The following PAPPA variants were observed in gnomAD, a reference collection of about 807,000 sequenced individuals.
PAPPA encodes the protein pappalysin 1.
PAPPA carries 60 observed loss-of-function variants against 164.0 expected under a neutral mutation model. The ratio of observed to expected loss-of-function variants is 0.37; its 90% CI spans 0.30 to 0.45. The LOEUF is 0.45. Among genes scored for constraint, PAPPA ranks in the 20% least tolerant of loss-of-function variants. The pLI is 1.00. For missense variants in PAPPA, 1,782 were observed against 2,087.3 expected, an observed-to-expected ratio of 0.85 and a Z score of 2.85; for synonymous variants, 875 against 814.1, an observed-to-expected ratio of 1.07 and a Z score of -1.27.
intron 7 of PAPPA, 54 bp from the exon 8 acceptor site, chr9:116,265,803 C>G (rs1845060901): frequency 2.0e-6 from 3 of 1,480,432 alleles, no homozygotes; most frequent in Middle Eastern, 1.8e-4. Flanking sequence ...TCCATTCTCT[C>G]TTTGTCTGCC....
intron 9 of PAPPA, among the ~76,000 whole-genome samples, chr9:116,284,943 A>AT (rs1845314277): frequency 1.3e-5 from 2 of 151,804 alleles, no homozygotes; most frequent in African/African-American, 2.4e-5. Context: ...TTGCTTGTTC[A>AT]TTTTTTTGCT....
intron 7 of PAPPA, among the ~76,000 whole-genome samples, chr9:116,250,606 CA>C (rs1844849375): frequency 1.3e-5 from 2 of 152,120 alleles, no homozygotes; most frequent in African/African-American, 2.4e-5. Flanking sequence ...AGTCAGTCTC[CA>C]AAAATTTTAA....
In PAPPA at chr9:116,187,955, G is replaced by A. The variant is rs1437684408; in HGVS notation, c.1217G>A (p.Arg406His). ...DVLEVSNSSL[R>H]RRLILANCDI... is the part of the protein sequence containing the mutation. Reference sequence around the variant, plus strand: ...CTGGAGGTGAGCAACTCCTCCCTTCGCCGCCGCCTCATCCTGGCCAACTGT... The same window carrying A: ...CTGGAGGTGAGCAACTCCTCCCTTCACCGCCGCCTCATCCTGGCCAACTGT... Residue 406 changes from arginine (R) to histidine (H), a missense_variant, in exon 2 of 22, where the codon CGC becomes CAC. Transcript: ENST00000328252. This position sits in a 1 kb window ranked among gnomAD's most constrained non-coding sequence, Gnocchi z 4.2. The A allele has an allele frequency of 5.0e-6, 8 of 1,614,078 alleles. No individual in the cohort carries two copies. Among genetic ancestry groups the A allele is most frequent in the Non-Finnish European group, 6.8e-6 (8 of 1,180,020 alleles).
rs777756674 is a variant in PAPPA, at chr9:116,187,545, G to C, written c.807G>C (p.Leu269=). Residue 269 remains leucine, a synonymous_variant, in exon 2 of 22, where the codon CTG becomes CTC. Coordinates refer to ENST00000328252, the MANE Select transcript of PAPPA (RefSeq NM_002581.5). This position sits in a 1 kb window ranked among gnomAD's most constrained non-coding sequence, Gnocchi z 4.2. ...TGGCCAGGACTCAGCGGGAGATACTGTCTGACATGGAAACCCATGGCGCCC... is the reference window on the plus strand; with the variant it reads ...TGGCCAGGACTCAGCGGGAGATACTCTCTGACATGGAAACCCATGGCGCCC... ...WKVARTQREI[L]SDMETHGAHT... 2 of 1,614,190 alleles carry C rather than the reference G, an allele frequency of 1.2e-6. No individual in the cohort carries two copies. The highest frequency in any genetic ancestry group is 1.7e-6 in the Non-Finnish European group (2 of 1,180,042).
Position 116,187,003 on chromosome 9 carries a change from G to A in PAPPA, c.416-151G>A, listed in dbSNP as rs1367113474. On this transcript the variant is annotated intron_variant, in intron 1 of 21. Transcript: ENST00000328252. The surrounding 1 kb of genome is among the most constrained non-coding windows in gnomAD (Gnocchi z 4.2). ...CCTTGCCCTCGAGGTGGTCCCAGAG[G>A]CACCATTAGCAACTCCTAGGATCCC... The A allele has an allele frequency of 3.3e-6, 2 of 597,940 alleles. No homozygotes were observed. The highest frequency in any genetic ancestry group is 2.5e-5 in the South Asian group (1 of 40,492). 37.0% of individuals were successfully genotyped at this position (597,940 alleles called of 1,614,324 possible).
intron 9 of PAPPA, among the ~76,000 whole-genome samples, chr9:116,295,360 C>G (rs1381047152): frequency 1.3e-5 from 2 of 152,028 alleles, no homozygotes; most frequent in East Asian, 3.9e-4. Flanking sequence ...TCGAGACCAG[C>G]CTGACCAACA....
rs116519475 is a variant in PAPPA at position 116,266,393 on chromosome 9, A to G, written c.2861+408A>G. Among the ~76,000 whole-genome samples the G allele has an allele frequency of 2.3e-3, 353 of 152,360 alleles. 3 individuals carry two copies. The highest frequency in any genetic ancestry group is 8.3e-3 in the African/African-American group (346 of 41,586). The stretch of plus-strand genomic sequence containing the variant: ...AAGTTCTTTGCTGGTTACCATTCAC[A>G]TTTATGAAAACTGCATATTTATTTG... On this transcript the variant is annotated intron_variant, in intron 8 of 21. Transcript: ENST00000328252.
At chr9:116,288,226 G>A (rs1051208854) in intron 9 of PAPPA, among the ~76,000 whole-genome samples, 5 of 152,152 alleles carry the variant, frequency 3.3e-5, no homozygotes, top group East Asian at 3.9e-4. Context: ...AAAATTAGCC[G>A]AGTGTAGTGG....
chr9:116,341,002 CCTCT>C (rs1222446122), intron 13 of PAPPA, among the ~76,000 whole-genome samples: 3 of 150,682 alleles, frequency 2.0e-5, no homozygotes, highest in Non-Finnish European at 4.4e-5. Flanking sequence ...TCTCTCTTGC[CCTCT>C]CTTTTTTTAT....
rs1235421682 is a variant in PAPPA, at chr9:116,391,745, TGGCCAAGCCATTTATGGGAC to T, written c.4777-4763_4777-4744del. 2.0e-5 allele frequency among the ~76,000 whole-genome samples: 3 copies of T among 152,230 alleles called. No homozygotes were observed. The East Asian group carries it at 5.8e-4, about 29-fold the overall frequency. ...CTTGCTAACACAATCCCAGAGTGGGTGGCCAAGCCATTTATGGGACAGCCTAGCCACATGGTGCTGAGAAT... is the reference window on the plus strand; with the variant it reads ...CTTGCTAACACAATCCCAGAGTGGGTAGCCTAGCCACATGGTGCTGAGAAT... On this transcript the variant is annotated intron_variant, in intron 21 of 21. Transcript: ENST00000328252.
chr9:116,275,563 C>T (rs553763324), intron 9 of PAPPA, among the ~76,000 whole-genome samples: 1 of 152,190 alleles, frequency 6.6e-6, no homozygotes, highest in Non-Finnish European at 1.5e-5. Context: ...CACTCTGCCT[C>T]TCCATTTGAA....
Position 116,352,712 on chromosome 9 carries a change from A to G in PAPPA, c.3971A>G (p.Asn1324Ser). The change falls in exon 16 of 22, where the codon AAC becomes AGC. Residue 1324 changes from asparagine (N) to serine (S), a missense_variant. Asn to Ser is a conservative substitution (Grantham distance 46). Around this residue, in one of 2 missense-constraint regions of PAPPA, gnomAD observed 1,324 missense variants for 1,656.9 expected, o/e 0.80. Coordinates refer to ENST00000328252, the MANE Select transcript of PAPPA (RefSeq NM_002581.5). The stretch of plus-strand genomic sequence containing the variant: ...GCTTGCCTATGTCTTCCAGGCAACA[A>G]CAGCCTCCTGACCTGCATGGAGGAT... Reference protein sequence around the residue: ...CRHPAQLKGNNSLLTCMEDGL... With the variant: ...CRHPAQLKGNSSLLTCMEDGL... 1.9e-6 allele frequency: 3 copies of G among 1,612,328 alleles called. No homozygotes were observed. The highest frequency in any genetic ancestry group is 1.7e-6 in the Non-Finnish European group (2 of 1,179,762).
intron 7 of PAPPA, among the ~76,000 whole-genome samples, chr9:116,238,028 C>T (rs938795141): frequency 1.3e-5 from 2 of 152,014 alleles, no homozygotes; most frequent in South Asian, 2.1e-4. Flanking sequence ...TAGTTCTTCT[C>T]AATTTGGATT....
In PAPPA at chr9:116,334,893, C is replaced by T. The variant is rs2118956408; in HGVS notation, c.3430C>T (p.Leu1144=). 1 of 1,613,984 alleles carries T rather than the reference C, an allele frequency of 6.2e-7. No homozygotes were observed. The highest frequency in any genetic ancestry group is 8.5e-7 in the Non-Finnish European group (1 of 1,179,902). The change falls in exon 13 of 22, where the codon CTG becomes TTG. Residue 1144 remains leucine (L), a synonymous_variant. Transcript: ENST00000328252. ...LHVLSCRNNP[L]IIPVVHDLSQ... ...TGTCCTGAGCTGCAGGAACAATCCC[C>T]TGATTATCCCTGTGGTCCATGACCT...
chr9:116,361,543 T>C (rs1712632648), intron 17 of PAPPA, among the ~76,000 whole-genome samples: 1 of 152,226 alleles, frequency 6.6e-6, no homozygotes, highest in African/African-American at 2.4e-5. Flanking sequence ...TCCAGGAATA[T>C]CTTCTGTTCC....
rs1175822280 is a variant in PAPPA, at chr9:116,271,988, G to A, written c.2953+572G>A. 6.6e-6 allele frequency among the ~76,000 whole-genome samples: 1 copy of A among 152,206 alleles called. No individual in the cohort carries two copies. Among genetic ancestry groups the A allele is most frequent in the Non-Finnish European group, 1.5e-5 (1 of 68,038 alleles). ...ACCTTGGGCAGTCTCTCTGATCTGAGGAAGGAGGAATAGCAGACCAGCCTG... is the reference window on the plus strand; with the variant it reads ...ACCTTGGGCAGTCTCTCTGATCTGAAGAAGGAGGAATAGCAGACCAGCCTG... On this transcript the variant is annotated intron_variant, in intron 9 of 21. Coordinates refer to ENST00000328252, the MANE Select transcript of PAPPA (RefSeq NM_002581.5). This position sits in a 1 kb window ranked among gnomAD's most constrained non-coding sequence, Gnocchi z 4.2.
At chr9:116,243,234 G>C (rs1257530213) in intron 7 of PAPPA, among the ~76,000 whole-genome samples, 1 of 152,184 alleles carries the variant, frequency 6.6e-6, no homozygotes, top group Non-Finnish European at 1.5e-5. Context: ...GACACATTCT[G>C]AAGATACAAT....
chr9:116,273,696 C>T (rs893177908), intron 9 of PAPPA, among the ~76,000 whole-genome samples: 13 of 152,102 alleles, frequency 8.5e-5, no homozygotes, highest in African/African-American at 3.1e-4. Context: ...ATCACTTGAA[C>T]CCAGGAGACG....
intron 9 of PAPPA, among the ~76,000 whole-genome samples, chr9:116,292,495 C>T (rs1845449177): frequency 6.6e-6 from 1 of 151,678 alleles, no homozygotes; most frequent in African/African-American, 2.4e-5. Flanking sequence ...AAAGGGTGAG[C>T]TGAAAAAAAG....
Sources: gnomAD v4.1 joint callset for allele counts (sites outside exome capture counted in the v4.1 genomes callset) on GRCh38, gnomAD v4.1.1 for gene constraint, gnomAD v4.1.1 regional missense constraint, Gnocchi (gnomAD v3.1) non-coding constraint, MANE v1.5 for transcripts, NCBI Gene and HGNC (gene_info 2026-07-23, HGNC 2026-07-21) for gene names.